The following ZNF540 variants were observed in gnomAD, a reference collection of about 807,000 sequenced individuals.
The protein encoded by ZNF540 is CTD-3064H18.6.
Under a neutral mutation model 11.8 loss-of-function variants are expected in ZNF540, and 3 were observed. That is an observed-to-expected ratio of 0.25 (90% CI 0.12 to 0.65). The LOEUF (loss-of-function observed/expected upper bound fraction) is 0.65. ZNF540 is among the 30% of genes least tolerant of loss of function. The pLI, the probability that ZNF540 is intolerant of heterozygous loss-of-function variation, is 0.83. For synonymous variants in ZNF540, 247 were observed against 259.0 expected (o/e 0.95, Z 0.45); for missense variants, 709 against 793.1 (o/e 0.89, Z 1.27).
intron 1 of ZNF540, among the ~76,000 whole-genome samples, chr19:37,570,988 A>G (rs1483957579): frequency 3.9e-5 from 6 of 152,226 alleles, no homozygotes; most frequent in Non-Finnish European, 8.8e-5. Context: ...ATCTACTAAC[A>G]GTATATAGCC....
intron 1 of ZNF540, among the ~76,000 whole-genome samples, chr19:37,552,599 A>G (rs545673145): frequency 2.2e-4 from 33 of 152,330 alleles, no homozygotes; most frequent in Non-Finnish European, 4.4e-4. Flanking sequence ...CTATAGTATT[A>G]TAAAATATGC....
chr19:37,564,305 C>T (rs2042771434), intron 1 of ZNF540: 1 of 243,248 alleles, frequency 4.1e-6, no homozygotes, highest in African/African-American at 2.2e-5. Flanking sequence ...CATTGTAATA[C>T]AATTACAGTA....
intron 1 of ZNF540, among the ~76,000 whole-genome samples, chr19:37,573,017 T>C (rs113272544): frequency 1.3e-5 from 2 of 152,228 alleles, no homozygotes; most frequent in Admixed American, 1.3e-4. Flanking sequence ...TGATTGATTA[T>C]AGAATCTTCA....
chr19:37,589,863 T>TTAAAA (rs1228213871), upstream of ZNF540, among the ~76,000 whole-genome samples: 1 of 2,334 alleles, frequency 4.3e-4, no homozygotes. Flanking sequence ...AGACTCCATC[T>TTAAAA]CAAAAAAAAA....
rs149197340 is a variant in ZNF540, at chr19:37,578,688, G to T, written c.-72-19688G>T. On this transcript the variant is annotated intron_variant, in intron 1 of 4. Transcript: ENST00000592533. ...CAGCACAGCGACCCTGTCCCCACCT[G>T]AACTCTGCAGGCAGGCACAGCTCCA... Among the ~76,000 whole-genome samples the T allele has an allele frequency of 1.1e-3, 163 of 151,768 alleles. 3 individuals carry two copies. Among genetic ancestry groups the T allele is most frequent in the African/African-American group, 3.8e-3 (157 of 41,372 alleles).
At chr19:37,568,332 C>T (rs1427076074) in intron 1 of ZNF540, among the ~76,000 whole-genome samples, 1 of 141,260 alleles carries the variant, frequency 7.1e-6, no homozygotes, top group Non-Finnish European at 1.5e-5. Flanking sequence ...CCCCCACTTG[C>T]CATATACACA....
chr19:37,572,945 C>T (rs533912332), intron 1 of ZNF540, among the ~76,000 whole-genome samples: 1 of 152,196 alleles, frequency 6.6e-6, no homozygotes, highest in African/African-American at 2.4e-5. Context: ...TTAAAACTGA[C>T]ACTCAGCTTT....
At chr19:37,595,802 G>A (rs949873705) in intron 1 of ZNF540, among the ~76,000 whole-genome samples, 1 of 152,194 alleles carries the variant, frequency 6.6e-6, no homozygotes, top group Admixed American at 6.5e-5. Context: ...TGGTTTGACT[G>A]AGGAACGAAT....
upstream of ZNF540, among the ~76,000 whole-genome samples, chr19:37,590,589 TA>T (rs2043841172): frequency 6.6e-6 from 1 of 152,118 alleles, no homozygotes. Flanking sequence ...TAATTATAGA[TA>T]AAGGAAAATG....
intron 4 of ZNF540, among the ~76,000 whole-genome samples, chr19:37,609,510 A>G (rs1328738242): frequency 6.6e-6 from 1 of 151,134 alleles, no homozygotes; most frequent in Non-Finnish European, 1.5e-5. Context: ...GTGCCACTGT[A>G]CTCCAGCCTG....
rs1214014935 is a variant in ZNF540, at chr19:37,574,239, A to G, written c.-73+22574A>G. On this transcript the variant is annotated intron_variant, in intron 1 of 4. Transcript: ENST00000592533. ...GATTTAATTATTAAAACCGCAACGTATGCTAACACCTGAGCCCTTTAAATC... is the reference window on the plus strand; with the variant it reads ...GATTTAATTATTAAAACCGCAACGTGTGCTAACACCTGAGCCCTTTAAATC... Among the ~76,000 whole-genome samples the G allele has an allele frequency of 1.1e-4, 16 of 152,302 alleles. 1 individual carries two copies. Among genetic ancestry groups the G allele is most frequent in the Non-Finnish European group, 1.5e-5 (1 of 68,020 alleles).
chr19:37,601,782 G>A (rs899279936), intron 4 of ZNF540, among the ~76,000 whole-genome samples: 1 of 152,202 alleles, frequency 6.6e-6, no homozygotes, highest in African/African-American at 2.4e-5. Context: ...AAGCACAGCA[G>A]AGAAGTGAGC....
intron 1 of ZNF540, among the ~76,000 whole-genome samples, chr19:37,578,725 G>T (rs951050524): frequency 4.0e-5 from 6 of 151,560 alleles, no homozygotes; most frequent in African/African-American, 1.5e-4. Flanking sequence ...ATTCCCCCAG[G>T]AACCTCCCAG....
Position 37,613,533 on chromosome 19 carries a change from A to T in ZNF540, c.*270A>T. 2 of 394,508 alleles carry T rather than the reference A, an allele frequency of 5.1e-6. No homozygotes were observed. The highest frequency in any genetic ancestry group is 9.0e-6 in the Non-Finnish European group (2 of 222,896). The allele number at this position is 394,508 out of a possible 1,614,324, so 24.4% of individuals were successfully genotyped here. ...CTCTACTATCTGTGTGATATTAGAC[A>T]AAATATTTGCTTCTTGGTACCTCAG... On this transcript the variant is annotated 3_prime_UTR_variant, in exon 5 of 5. Coordinates refer to ENST00000316433, the MANE Select transcript of ZNF540 (RefSeq NM_001172225.3).
At chr19:37,564,191 T>C (rs2042768889) in intron 1 of ZNF540, 1 of 154,038 alleles carries the variant, frequency 6.5e-6, no homozygotes, top group Non-Finnish European at 1.4e-5. Context: ...ATTCCCACCA[T>C]TTGAGTTCTC....
chr19:37,586,526 A>G (rs1432336523), intron 1 of ZNF540: 3 of 858,938 alleles, frequency 3.5e-6, no homozygotes, highest in African/African-American at 3.4e-5. Flanking sequence ...GCTCTTTGCT[A>G]CTATTACTCG....
At position 37,583,873 on chromosome 19, in the gene ZNF540, C is replaced by T. The variant is rs2306202; in HGVS notation, c.-72-14503C>T. 2.5e-3 allele frequency: 3,204 copies of T among 1,290,934 alleles called. 73 individuals carry two copies. In the East Asian group the frequency reaches 0.047, roughly 19 times the overall value. The allele number at this position is 1,290,934 out of a possible 1,614,324, so 80.0% of individuals were successfully genotyped here. A position where few individuals can be genotyped will look rare whatever the true frequency, so the allele number is the denominator to read the frequency against. ...CTGTCCATTTCTACTTCTACTCAAA[C>T]GTAAGCCTTTCCTTAGGGAATGGAG... On this transcript the variant is annotated intron_variant, in intron 1 of 4. Transcript: ENST00000592533.
intron 1 of ZNF540, among the ~76,000 whole-genome samples, chr19:37,574,673 G>T (rs2043183011): frequency 6.6e-6 from 1 of 152,008 alleles, no homozygotes; most frequent in Non-Finnish European, 1.5e-5. Flanking sequence ...CCTAAACATA[G>T]CACCAGTTTT....
At chr19:37,557,808 C>T (rs534034497) in intron 1 of ZNF540, among the ~76,000 whole-genome samples, 1 of 152,310 alleles carries the variant, frequency 6.6e-6, no homozygotes, top group East Asian at 1.9e-4. Context: ...AGTAAAGTCT[C>T]TATGGCATGA....
Sources: allele counts gnomAD v4.1 joint callset (sites outside exome capture counted in the v4.1 genomes callset), GRCh38; gene constraint gnomAD v4.1.1; transcripts MANE v1.5; gene names NCBI Gene and HGNC (gene_info 2026-07-23, HGNC 2026-07-21).